PLEKHH2: variants seen among roughly 807,000 people sequenced by gnomAD.
The protein encoded by PLEKHH2 is pleckstrin homology, MyTH4 and FERM domain containing H2.
In PLEKHH2, 129 loss-of-function variants were observed where a neutral mutation model predicts 187.9. That is an observed-to-expected ratio of 0.69 (90% CI 0.59 to 0.79). PLEKHH2 has a LOEUF of 0.79. PLEKHH2 is among the 30% of genes least tolerant of loss of function. The pLI is 0.00. For missense variants in PLEKHH2, 2,076 were observed against 1,751.2 expected, an observed-to-expected ratio of 1.19 and a Z score of -3.31; for synonymous variants, 686 against 605.6, an observed-to-expected ratio of 1.13 and a Z score of -1.95.
chr2:43,759,376 T>G (rs1672342116), intron 27 of PLEKHH2, among the ~76,000 whole-genome samples: 1 of 152,262 alleles, frequency 6.6e-6, no homozygotes, highest in Non-Finnish European at 1.5e-5. Flanking sequence ...CTGCTAAACA[T>G]TGAGCTAAGC....
chr2:43,714,888 T>C (rs1670138875), intron 15 of PLEKHH2, among the ~76,000 whole-genome samples: 1 of 152,102 alleles, frequency 6.6e-6, no homozygotes, highest in African/African-American at 2.4e-5. Context: ...TGAGAGAAGA[T>C]TTACCTGTGC....
Position 43,681,184 on chromosome 2 carries a change from T to G in PLEKHH2, c.186+2259T>G, listed in dbSNP as rs949761136. The G allele has an allele frequency of 1.3e-5, 9 of 687,060 alleles. No homozygotes were observed. In the Admixed American group the frequency reaches 1.7e-4, roughly 13 times the overall value. 42.6% of individuals were successfully genotyped at this position (687,060 alleles called of 1,614,324 possible). A position where few individuals can be genotyped will look rare whatever the true frequency, so the allele number is the denominator to read the frequency against. On this transcript the variant is annotated intron_variant, in intron 3 of 29. Coordinates refer to ENST00000282406, the MANE Select transcript of PLEKHH2 (RefSeq NM_172069.4). ...TCAGAACATCCTTTTGGTCCACCAC[T>G]ATTCCTCAAAGAATACAGAAAGCTG... is the stretch of plus-strand genomic sequence containing the variant.
chr2:43,685,606 C>CTTT (rs34341551), intron 3 of PLEKHH2, among the ~76,000 whole-genome samples: 4 of 135,672 alleles, frequency 2.9e-5, no homozygotes, highest in Non-Finnish European at 6.2e-5. Flanking sequence ...GTTTTTTAAC[C>CTTT]TTTTTTTTTT....
intron 1 of PLEKHH2, among the ~76,000 whole-genome samples, chr2:43,642,492 C>CA (rs1198066759): frequency 6.6e-6 from 1 of 152,032 alleles, no homozygotes; most frequent in African/African-American, 2.4e-5. Flanking sequence ...ATCTCTATTA[C>CA]AGTGTTGAAT....
At chr2:43,668,480 C>G (rs142645803) in intron 2 of PLEKHH2, among the ~76,000 whole-genome samples, 1 of 152,262 alleles carries the variant, frequency 6.6e-6, no homozygotes, top group Admixed American at 6.5e-5. Context: ...ATAAAGAGCT[C>G]AGTAAATAAA....
intron 1 of PLEKHH2, among the ~76,000 whole-genome samples, chr2:43,642,495 T>C (rs1353679456): frequency 6.6e-6 from 1 of 152,146 alleles, no homozygotes; most frequent in East Asian, 1.9e-4. Context: ...TCTATTACAG[T>C]GTTGAATAGA....
At chr2:43,659,061 C>G (rs1429181683) in intron 2 of PLEKHH2, among the ~76,000 whole-genome samples, 1 of 150,858 alleles carries the variant, frequency 6.6e-6, no homozygotes, top group East Asian at 1.9e-4. Context: ...CAGCCTTGAC[C>G]TCCTGGGCTG....
chr2:43,676,080 C>G, intron 2 of PLEKHH2: 1 of 1,613,830 alleles, frequency 6.2e-7, no homozygotes, highest in Non-Finnish European at 8.5e-7. Flanking sequence ...CCCAGTAACT[C>G]TCATCTTCGG....
At chr2:43,729,544 C>G in intron 17 of PLEKHH2, 93 bp from the exon 18 acceptor site, 1 of 736,726 alleles carries the variant, frequency 1.4e-6, no homozygotes, top group East Asian at 3.1e-5. Context: ...GGTTCATTTC[C>G]ATCTCAAAGT....
At chr2:43,655,528 C>G (rs1666711153) in intron 2 of PLEKHH2, among the ~76,000 whole-genome samples, 1 of 152,184 alleles carries the variant, frequency 6.6e-6, no homozygotes, top group Non-Finnish European at 1.5e-5. Flanking sequence ...AATTATGTAT[C>G]TTTGATGGAC....
At chr2:43,686,025 G>C (rs1467780269) in intron 3 of PLEKHH2, among the ~76,000 whole-genome samples, 2 of 152,200 alleles carry the variant, frequency 1.3e-5, no homozygotes, top group Non-Finnish European at 2.9e-5. Context: ...GTTTGATTCA[G>C]GCATGGTAGC....
intron 3 of PLEKHH2, among the ~76,000 whole-genome samples, chr2:43,686,146 T>TTCTTCCTTCTTCCTCTTCCTTCTTCC (rs139161216): frequency 2.0e-5 from 3 of 151,960 alleles, no homozygotes; most frequent in Non-Finnish European, 2.9e-5. Flanking sequence ...CTTCTTTTTC[T>TTCTTCCTTCTTCCTCTTCCTTCTTCC]TCTTCCTTCT....
rs1671040453 is a variant in PLEKHH2, at chr2:43,731,562, C to G, written c.2903C>G (p.Pro968Arg). Residue 968 changes from proline to arginine, a missense_variant, in exon 19 of 30, where the codon CCT becomes CGT. Pro to Arg is a moderately radical substitution (Grantham distance 103). Coordinates refer to ENST00000282406, the MANE Select transcript of PLEKHH2 (RefSeq NM_172069.4). ...ATCATTTCCCCTCTGACAACTCTAC[C>G]TTCCGAAGCCCTGCAGACAGAAGCT... ...EGIISPLTTL[P>R]SEALQTEAIK... 1.2e-6 allele frequency: 2 copies of G among 1,601,728 alleles called. No homozygotes were observed. Among genetic ancestry groups the G allele is most frequent in the Non-Finnish European group, 1.7e-6 (2 of 1,169,530 alleles).
chr2:43,727,010 A>C (rs2104561046), intron 17 of PLEKHH2, among the ~76,000 whole-genome samples: 1 of 152,316 alleles, frequency 6.6e-6, no homozygotes, highest in South Asian at 2.1e-4. Flanking sequence ...TTTTCATCTC[A>C]TACAGATAGC....
chr2:43,648,485 CT>C (rs913163767), intron 2 of PLEKHH2, among the ~76,000 whole-genome samples: 6 of 151,046 alleles, frequency 4.0e-5, no homozygotes, highest in African/African-American at 1.5e-4. Flanking sequence ...CTGTGCCCAG[CT>C]TTTTTTCCTG....
intron 8 of PLEKHH2, among the ~76,000 whole-genome samples, chr2:43,703,188 A>G (rs1054517578): frequency 2.0e-5 from 3 of 152,206 alleles, no homozygotes; most frequent in Admixed American, 1.3e-4. Context: ...TGTCCTGGAC[A>G]GTCAACTGTG....
intron 2 of PLEKHH2, among the ~76,000 whole-genome samples, chr2:43,650,878 C>T (rs1377481600): frequency 1.3e-5 from 2 of 151,634 alleles, no homozygotes; most frequent in Non-Finnish European, 2.9e-5. Flanking sequence ...AACTCCTGAC[C>T]TTGTGATCTG....
intron 15 of PLEKHH2, among the ~76,000 whole-genome samples, chr2:43,716,243 T>C (rs1670203359): frequency 6.6e-6 from 1 of 151,838 alleles, no homozygotes; most frequent in South Asian, 2.1e-4. Context: ...AAAGACAAAG[T>C]CCAGAAGAAG....
rs1343468841 is a variant in PLEKHH2, at chr2:43,695,202, A to T, written c.480A>T (p.Arg160Ser). ...LINQNQTEEI[R>S]TMQSKLQEVQ... The stretch of plus-strand genomic sequence containing the variant: ...ACCAAAACCAAACTGAAGAGATAAG[A>T]ACAATGCAGTCAAAACTACAAGGTA... Residue 160 changes from arginine to serine, a missense_variant, in exon 6 of 30, where the codon AGA (arginine) becomes AGT (serine). Physicochemically the swap from Arg to Ser is moderately radical, Grantham distance 110. Coordinates refer to ENST00000282406, the MANE Select transcript of PLEKHH2 (RefSeq NM_172069.4). The T allele has an allele frequency of 6.3e-7, 1 of 1,592,066 alleles. No individual in the cohort carries two copies. The highest frequency in any genetic ancestry group is 8.6e-7 in the Non-Finnish European group (1 of 1,165,898).
Sources: gnomAD v4.1 joint callset for allele counts (sites outside exome capture counted in the v4.1 genomes callset) on GRCh38, gnomAD v4.1.1 for gene constraint, MANE v1.5 for transcripts, NCBI Gene and HGNC (gene_info 2026-07-23, HGNC 2026-07-21) for gene names.